Variants in PTPRN2 observed in about 807,000 individuals in gnomAD.
The protein encoded by PTPRN2 is receptor-type tyrosine-protein phosphatase N2.
Under a neutral mutation model 118.8 loss-of-function variants are expected in PTPRN2, and 74 were observed. The observed-to-expected ratio is 0.62, with a 90% CI of 0.52 to 0.76. The LOEUF is 0.76. Ranked by LOEUF, PTPRN2 falls within the 30% of genes least tolerant of loss-of-function variation. The pLI, the probability that PTPRN2 is intolerant of heterozygous loss-of-function variation, is 0.00. For synonymous variants in PTPRN2, 641 were observed against 608.0 expected, an observed-to-expected ratio of 1.05 and a Z score of -0.80; for missense variants, 1,481 against 1,394.4, an observed-to-expected ratio of 1.06 and a Z score of -0.99.
chr7:158,243,616 T>C (rs1036270703), intron 3 of PTPRN2, among the ~76,000 whole-genome samples: 1 of 152,170 alleles, frequency 6.6e-6, no homozygotes, highest in Non-Finnish European at 1.5e-5. Flanking sequence ...AAGGTTGATT[T>C]GGAAGAAGCA....
At chr7:158,473,800 T>A (rs74303869) in intron 2 of PTPRN2, among the ~76,000 whole-genome samples, 267 of 151,868 alleles carry the variant, frequency 1.8e-3, no homozygotes, top group African/African-American at 6.3e-3. Flanking sequence ...CATTAATTTT[T>A]AAAAAAAGGT....
intron 11 of PTPRN2, among the ~76,000 whole-genome samples, chr7:158,023,199 A>T (rs1173727653): frequency 6.6e-6 from 1 of 152,176 alleles, no homozygotes; most frequent in Admixed American, 6.5e-5. Context: ...GAGTAGCCAG[A>T]AGCCAATCCT....
At chr7:157,566,707 G>C (rs1563219000) in intron 21 of PTPRN2, among the ~76,000 whole-genome samples, 1 of 152,258 alleles carries the variant, frequency 6.6e-6, no homozygotes, top group Non-Finnish European at 1.5e-5. Flanking sequence ...CCACAATGGA[G>C]CCAGTGAACA....
chr7:157,778,005 C>T (rs1413639564), intron 12 of PTPRN2, among the ~76,000 whole-genome samples: 1 of 149,558 alleles, frequency 6.7e-6, no homozygotes. Flanking sequence ...TACCCCAATT[C>T]AAACCAAACG....
rs1814328882 is a variant in PTPRN2, at chr7:158,093,077, T to C, written c.1644-11700A>G. ...CTTCGGCGTTCTTGGCTGAGAGCCTTCTGCGAGGCACGAGTATAAGTGTGA... is the reference window on the plus strand; with the variant it reads ...CTTCGGCGTTCTTGGCTGAGAGCCTCCTGCGAGGCACGAGTATAAGTGTGA... On this transcript the variant is annotated intron_variant, in intron 10 of 22. Coordinates refer to ENST00000389418, the MANE Select transcript of PTPRN2 (RefSeq NM_002847.5). This position sits in a 1 kb window ranked among gnomAD's most constrained non-coding sequence, Gnocchi z 4.4. Among the ~76,000 whole-genome samples the C allele has an allele frequency of 6.6e-6, 1 of 152,234 alleles. No individual in the cohort carries two copies. The highest frequency in any genetic ancestry group is 1.5e-5 in the Non-Finnish European group (1 of 68,038).
At chr7:157,776,383 T>G (rs1286654946) in intron 12 of PTPRN2, among the ~76,000 whole-genome samples, 1 of 49,412 alleles carries the variant, frequency 2.0e-5, no homozygotes, top group Non-Finnish European at 3.8e-5. Context: ...TCTTCCTCAC[T>G]CTCCTCCTCC....
intron 12 of PTPRN2, among the ~76,000 whole-genome samples, chr7:157,867,611 G>T (rs985356266): frequency 4.5e-4 from 68 of 151,798 alleles, no homozygotes; most frequent in Admixed American, 2.6e-4. Flanking sequence ...TGACGCCCTG[G>T]ATACACGGCC....
At chr7:158,419,936 C>T (rs1815109963) in intron 2 of PTPRN2, among the ~76,000 whole-genome samples, 1 of 152,132 alleles carries the variant, frequency 6.6e-6, no homozygotes, top group Non-Finnish European at 1.5e-5. Context: ...AGCATTGGAC[C>T]CCGAGCTGTG....
chr7:157,943,365 C>G (rs1041262433), intron 11 of PTPRN2, among the ~76,000 whole-genome samples: 1 of 152,148 alleles, frequency 6.6e-6, no homozygotes, highest in Non-Finnish European at 1.5e-5. Flanking sequence ...TTCTGAATGG[C>G]CGACTTAGAC....
chr7:158,410,138 A>C (rs1813921878), intron 2 of PTPRN2, among the ~76,000 whole-genome samples: 1 of 152,106 alleles, frequency 6.6e-6, no homozygotes, highest in Non-Finnish European at 1.5e-5. Context: ...CCCTCCATTT[A>C]AGAAAAAGAA....
chr7:157,854,126 C>A (rs76039301), intron 12 of PTPRN2, among the ~76,000 whole-genome samples: 59 of 152,352 alleles, frequency 3.9e-4, no homozygotes, highest in African/African-American at 1.3e-3. Context: ...GTCACAGCAG[C>A]CAAGGCCACT....
At chr7:158,086,130 C>T (rs920777579) in intron 10 of PTPRN2, among the ~76,000 whole-genome samples, 3 of 152,192 alleles carry the variant, frequency 2.0e-5, no homozygotes, top group Admixed American at 2.0e-4. Flanking sequence ...ACACAGTGCT[C>T]ACCTATCTAA....
At chr7:158,040,374 C>T (rs578030683) in intron 11 of PTPRN2, among the ~76,000 whole-genome samples, 10 of 151,164 alleles carry the variant, frequency 6.6e-5, no homozygotes, top group African/African-American at 1.7e-4. Flanking sequence ...CACACACACA[C>T]GTGCATACAC....
intron 17 of PTPRN2, among the ~76,000 whole-genome samples, chr7:157,586,078 G>C (rs1380425406): frequency 6.6e-6 from 1 of 152,174 alleles, no homozygotes; most frequent in African/African-American, 2.4e-5. Context: ...AATCCAGCAA[G>C]ACCAAACCTT....
chr7:158,106,650 GC>G (rs1815707965), intron 10 of PTPRN2, among the ~76,000 whole-genome samples: 1 of 152,208 alleles, frequency 6.6e-6, no homozygotes, highest in East Asian at 1.9e-4. Context: ...TGTGGAGTCT[GC>G]CCTTGGGGAT....
chr7:158,271,726 G>T (rs572983713), intron 3 of PTPRN2, among the ~76,000 whole-genome samples: 1 of 152,142 alleles, frequency 6.6e-6, no homozygotes, highest in African/African-American at 2.4e-5. Context: ...CCACAGATTC[G>T]GTGTCGGTGA....
intron 12 of PTPRN2, among the ~76,000 whole-genome samples, chr7:157,799,828 GCCCC>G (rs1563121826): frequency 1.8e-4 from 23 of 130,624 alleles, no homozygotes; most frequent in East Asian, 8.1e-4. Context: ...ACCACAGCCG[GCCCC>G]CTCCATCCCT....
intron 5 of PTPRN2, 98 bp from the exon 6 acceptor site, chr7:158,167,389 C>A: frequency 1.4e-6 from 2 of 1,451,526 alleles, no homozygotes; most frequent in Admixed American, 4.3e-5. Flanking sequence ...AGGTCCTAAA[C>A]AGCCCTGGGG....
In PTPRN2 at chr7:157,974,205, T is replaced by C. The variant is rs1265938589; in HGVS notation, c.1724-75468A>G. Among the ~76,000 whole-genome samples the C allele has an allele frequency of 1.3e-5, 2 of 152,154 alleles. No homozygotes were observed. Among genetic ancestry groups the C allele is most frequent in the Admixed American group, 1.3e-4 (2 of 15,274 alleles). On this transcript the variant is annotated intron_variant, in intron 11 of 22. Coordinates refer to ENST00000389418, the MANE Select transcript of PTPRN2 (RefSeq NM_002847.5). This position sits in a 1 kb window ranked among gnomAD's most constrained non-coding sequence, Gnocchi z 4.0. Reference sequence around the variant, plus strand: ...GTGGAAAGAATGGACAGCACCCTGGTTGATGTGCAGAGTGACCCTGCAGTC... The same window carrying C: ...GTGGAAAGAATGGACAGCACCCTGGCTGATGTGCAGAGTGACCCTGCAGTC...
Sources: gnomAD v4.1 joint callset for allele counts (sites outside exome capture counted in the v4.1 genomes callset) on GRCh38, gnomAD v4.1.1 for gene constraint, Gnocchi (gnomAD v3.1) non-coding constraint, MANE v1.5 for transcripts, NCBI Gene and HGNC (gene_info 2026-07-23, HGNC 2026-07-21) for gene names.